The following FRMPD4 variants were observed in gnomAD, a reference collection of about 807,000 sequenced individuals.
FRMPD4 encodes the protein FERM and PDZ domain-containing protein 4.
Under a neutral mutation model 94.1 loss-of-function variants are expected in FRMPD4, and 22 were observed. That is an observed-to-expected ratio of 0.23 (90% CI 0.17 to 0.33). The LOEUF (loss-of-function observed/expected upper bound fraction) is 0.33, where lower values mean the gene tolerates loss of function less well. FRMPD4 is among the 10% of genes least tolerant of loss of function. FRMPD4 has a pLI of 1.00. For synonymous variants in FRMPD4, 631 were observed against 548.6 expected (o/e 1.15, Z -2.10); for missense variants, 1,111 against 1,339.9 (o/e 0.83, Z 2.67).
At chrX:12,687,106 C>T (rs928440970) in intron 7 of FRMPD4, among the ~76,000 whole-genome samples, 4 of 111,717 alleles carry the variant, frequency 3.6e-5, no homozygotes, top group Non-Finnish European at 5.6e-5. Flanking sequence ...TCAGCATAGA[C>T]CTCACACATA....
intron 1 of FRMPD4, among the ~76,000 whole-genome samples, chrX:12,199,760 C>T (rs1048074661): frequency 3.6e-5 from 4 of 111,770 alleles, no homozygotes; most frequent in Non-Finnish European, 7.5e-5. Flanking sequence ...ATTCAGAGCT[C>T]GCTGTGCAAG....
intron 2 of FRMPD4, among the ~76,000 whole-genome samples, chrX:12,586,988 T>G (rs1446912386): frequency 9.1e-6 from 1 of 110,441 alleles, no homozygotes; most frequent in Non-Finnish European, 1.9e-5. Flanking sequence ...TTTTTGTTTT[T>G]TTTTTTGAGA....
chrX:12,345,342 TGGATGTG>T (rs2055689603), intron 1 of FRMPD4, among the ~76,000 whole-genome samples: 1 of 111,821 alleles, frequency 8.9e-6, no homozygotes, highest in African/African-American at 3.3e-5. Flanking sequence ...AGCCTGGTTA[TGGATGTG>T]TGTGACCTTG....
intron 2 of FRMPD4, among the ~76,000 whole-genome samples, chrX:12,569,047 A>G (rs1363822435): frequency 1.8e-5 from 2 of 111,318 alleles, no homozygotes; most frequent in Non-Finnish European, 3.8e-5. Context: ...AGGTTGCTAT[A>G]AAAGTGAGTT....
intron 5 of FRMPD4, among the ~76,000 whole-genome samples, chrX:12,680,456 C>T (rs767479716): frequency 1.7e-4 from 19 of 112,167 alleles, no homozygotes; most frequent in South Asian, 7.5e-4. Flanking sequence ...CCATATAACA[C>T]AAGTAACTCT....
At chrX:12,556,745 G>A (rs1176108509) in intron 2 of FRMPD4, among the ~76,000 whole-genome samples, 2 of 112,113 alleles carry the variant, frequency 1.8e-5, no homozygotes, top group Non-Finnish European at 3.8e-5. Context: ...TAGACCCAAA[G>A]GATGCATGTG....
chrX:12,509,503 A>G (rs2058021676), intron 2 of FRMPD4, among the ~76,000 whole-genome samples: 1 of 112,126 alleles, frequency 8.9e-6, no homozygotes, highest in African/African-American at 3.2e-5. Context: ...CAAACATCAT[A>G]TGTTCTCACT....
chrX:12,662,507 C>A (rs912399593), intron 4 of FRMPD4, among the ~76,000 whole-genome samples: 2 of 111,896 alleles, frequency 1.8e-5, no homozygotes, highest in South Asian at 7.5e-4. Flanking sequence ...CAGCTTCATC[C>A]ATGTCCCTGC....
At chrX:12,439,242 G>A in intron 1 of FRMPD4, among the ~76,000 whole-genome samples, 1 of 111,250 alleles carries the variant, frequency 9.0e-6, no homozygotes, top group Non-Finnish European at 1.9e-5. Flanking sequence ...GGGAATTGGG[G>A]TTCTGGAAGT....
chrX:12,608,422 T>C, intron 2 of FRMPD4, among the ~76,000 whole-genome samples: 1 of 112,987 alleles, frequency 8.9e-6, no homozygotes, highest in Admixed American at 9.3e-5. Flanking sequence ...AAATTTTGAG[T>C]TGGGATTATT....
chrX:12,350,684 C>G (rs1186421033), intron 1 of FRMPD4, among the ~76,000 whole-genome samples: 1 of 112,203 alleles, frequency 8.9e-6, no homozygotes, highest in Non-Finnish European at 1.9e-5. Context: ...GGTCAAGAGA[C>G]AGGAAATGAA....
intron 3 of FRMPD4, among the ~76,000 whole-genome samples, chrX:11,957,970 C>A (rs2054265387): frequency 8.9e-6 from 1 of 112,316 alleles, no homozygotes; most frequent in South Asian, 3.7e-4. Context: ...TGGCTTACAA[C>A]TAAGTTTCCT....
At position 12,462,086 on chromosome X, in the gene FRMPD4, A is replaced by T. The variant is rs780840122; in HGVS notation, c.42-36594A>T. 2.7e-5 allele frequency among the ~76,000 whole-genome samples: 3 copies of T among 111,572 alleles called. No homozygotes were observed. The South Asian group carries it at 1.1e-3, about 43-fold the overall frequency. ...AAGAAACACTGAGTCTGCTTAAAAA[A>T]TTTTCCTAGGAAGTATTCTGTCACT... is the stretch of plus-strand genomic sequence containing the variant. On this transcript the variant is annotated intron_variant, in intron 1 of 16. Coordinates refer to ENST00000675598, the MANE Select transcript of FRMPD4 (RefSeq NM_001368397.1).
intron 1 of FRMPD4, among the ~76,000 whole-genome samples, chrX:12,404,870 T>C (rs1420200400): frequency 8.9e-6 from 1 of 111,910 alleles, no homozygotes; most frequent in Non-Finnish European, 1.9e-5. Flanking sequence ...AACTACTTGA[T>C]GCTGCCATTG....
chrX:12,508,203 G>C lies in FRMPD4; in HGVS notation c.158+9407G>C, dbSNP rs1388887217. Among the ~76,000 whole-genome samples the C allele has an allele frequency of 7.2e-5, 8 of 111,423 alleles. No individual in the cohort carries two copies. The East Asian group carries it at 2.0e-3, about 27-fold the overall frequency. On this transcript the variant is annotated intron_variant, in intron 2 of 16. Transcript: ENST00000675598. ...TCATTTTTGGTGATATTCTGTTCTA[G>C]ATTGTTCTCTCAGCTTCTCCTTTCT...
chrX:11,826,238 G>T (rs1448802161), intron 1 of FRMPD4, among the ~76,000 whole-genome samples: 1 of 112,163 alleles, frequency 8.9e-6, no homozygotes, highest in Admixed American at 9.5e-5. Flanking sequence ...TAAAGTCCCT[G>T]AGAAGTAGAA....
chrX:12,724,203 C>G lies in FRMPD4; in HGVS notation c.*2345C>G, dbSNP rs1162205577. On this transcript the variant is annotated 3_prime_UTR_variant, in exon 17 of 17. Coordinates refer to ENST00000675598, the MANE Select transcript of FRMPD4 (RefSeq NM_001368397.1). ...TATCTAGTTAGAACAACTTCCCAGT[C>G]CATTGGAGTTCTTTGAGAAGCCTCA... 2.7e-5 allele frequency: 3 copies of G among 111,630 alleles called. No individual in the cohort carries two copies. The highest frequency in any genetic ancestry group is 9.8e-5 in the African/African-American group (3 of 30,693). 9.2% of individuals were successfully genotyped at this position (111,630 alleles called of 1,213,427 possible). A position where few individuals can be genotyped will look rare whatever the true frequency, so the allele number is the denominator to read the frequency against.
rs565987562 is a variant in FRMPD4, at chrX:12,180,919, G to A, written c.41+41907G>A. Among the ~76,000 whole-genome samples the A allele has an allele frequency of 1.0e-3, 114 of 112,521 alleles. 1 individual carries two copies. Among genetic ancestry groups the A allele is most frequent in the Middle Eastern group, 9.2e-3 (2 of 218 alleles). Reference sequence around the variant, plus strand: ...AGTCAGTTATTCAAGTTTAAATTGAGGAAGCTTGGCCAGGGCCTGACATTG... The same window carrying A: ...AGTCAGTTATTCAAGTTTAAATTGAAGAAGCTTGGCCAGGGCCTGACATTG... On this transcript the variant is annotated intron_variant, in intron 1 of 16. Coordinates refer to ENST00000675598, the MANE Select transcript of FRMPD4 (RefSeq NM_001368397.1).
At chrX:12,063,481 A>G (rs1040762491) in intron 3 of FRMPD4, among the ~76,000 whole-genome samples, 1 of 113,320 alleles carries the variant, frequency 8.8e-6, no homozygotes, top group African/African-American at 3.2e-5. Context: ...ATCTACTGAA[A>G]AGATAATAAG....
Sources: allele counts gnomAD v4.1 joint callset (sites outside exome capture counted in the v4.1 genomes callset), GRCh38; gene constraint gnomAD v4.1.1; transcripts MANE v1.5; gene names NCBI Gene and HGNC (gene_info 2026-07-23, HGNC 2026-07-21).